Variants in DPYSL2 observed in about 807,000 individuals in gnomAD.
DPYSL2 encodes the protein dihydropyrimidinase like 2.
In DPYSL2, 13 loss-of-function variants were observed where a neutral mutation model predicts 69.9. That is an observed-to-expected ratio of 0.19 (90% CI 0.12 to 0.30). The LOEUF (loss-of-function observed/expected upper bound fraction) is 0.30, where lower values mean the gene tolerates loss of function less well. Among genes scored for constraint, DPYSL2 ranks in the 10% least tolerant of loss-of-function variants. The probability of loss-of-function intolerance (pLI) is 1.00; values close to 1 mark genes in which losing one functional copy is unlikely to be tolerated. For missense variants in DPYSL2, 587 were observed against 918.9 expected (o/e 0.64, Z 4.67); for synonymous variants, 326 against 359.1 (o/e 0.91, Z 1.04).
chr8:26,540,717 C>T (rs1426657238), intron 1 of DPYSL2, among the ~76,000 whole-genome samples: 1 of 152,056 alleles, frequency 6.6e-6, no homozygotes, highest in Non-Finnish European at 1.5e-5. Flanking sequence ...ACCAGCCTGG[C>T]TAACATGGTG....
rs370558137 is a variant in DPYSL2 at position 26,587,029 on chromosome 8, G to A, written c.628+3046G>A. Among the ~76,000 whole-genome samples the A allele has an allele frequency of 2.2e-4, 34 of 152,334 alleles. No individual in the cohort carries two copies. The East Asian group carries it at 6.6e-3, about 29-fold the overall frequency. On this transcript the variant is annotated intron_variant, in intron 3 of 13. Coordinates refer to ENST00000521913, the MANE Select transcript of DPYSL2 (RefSeq NM_001197293.3). This position sits in a 1 kb window ranked among gnomAD's most constrained non-coding sequence, Gnocchi z 4.2. ...ACCTCTGTAGAATTTCTACTAGCCT[G>A]CCTTTCCCCGGGGGAGGGAATGGTA...
At chr8:26,555,793 G>T (rs1800935928) in intron 1 of DPYSL2, among the ~76,000 whole-genome samples, 1 of 149,980 alleles carries the variant, frequency 6.7e-6, no homozygotes, top group African/African-American at 2.5e-5. Flanking sequence ...AGGATGAGTT[G>T]GAAAGATTGC....
chr8:26,577,755 C>A (rs445678), intron 1 of DPYSL2: 1 of 964,400 alleles, frequency 1.0e-6, no homozygotes, highest in Non-Finnish European at 1.2e-6. Flanking sequence ...CGCCGCCTGC[C>A]GCCCCCGGCC....
chr8:26,616,480 A>G (rs1331468077), intron 3 of DPYSL2, among the ~76,000 whole-genome samples: 1 of 152,138 alleles, frequency 6.6e-6, no homozygotes, highest in Non-Finnish European at 1.5e-5. Flanking sequence ...ATTCAAGTCG[A>G]TTCATTTATC....
Position 26,571,188 on chromosome 8 carries a change from G to A in DPYSL2, c.355-10781G>A, listed in dbSNP as rs1801229339. 6.6e-6 allele frequency among the ~76,000 whole-genome samples: 1 copy of A among 152,164 alleles called. No homozygotes were observed. The highest frequency in any genetic ancestry group is 1.5e-5 in the Non-Finnish European group (1 of 68,028). On this transcript the variant is annotated intron_variant, in intron 1 of 13. Transcript: ENST00000521913. The surrounding 1 kb of genome is among the most constrained non-coding windows in gnomAD (Gnocchi z 6.1). Reference sequence around the variant, plus strand: ...GTTTTCCTCCTTCTATAAATAGAGGGTGGAGTGGGCTGGATCTGTCGCTAA... The same window carrying A: ...GTTTTCCTCCTTCTATAAATAGAGGATGGAGTGGGCTGGATCTGTCGCTAA...
rs1802194389 is a variant in DPYSL2 at position 26,610,150 on chromosome 8, A to G, written c.629-13993A>G. On this transcript the variant is annotated intron_variant, in intron 3 of 13. Transcript: ENST00000521913. This position sits in a 1 kb window ranked among gnomAD's most constrained non-coding sequence, Gnocchi z 4.5. The stretch of plus-strand genomic sequence containing the variant: ...GTCGTGATGTTTCGTGGGATCTGCA[A>G]GAGCCTGTAGCGTCAGGTTTCTTTC... 6.6e-6 allele frequency among the ~76,000 whole-genome samples: 1 copy of G among 152,256 alleles called. No individual in the cohort carries two copies. Among genetic ancestry groups the G allele is most frequent in the South Asian group, 2.1e-4 (1 of 4,830 alleles).
chr8:26,655,792 T>TG lies in DPYSL2; in HGVS notation c.*86_*87insG. The TG allele has an allele frequency of 7.8e-7, 1 of 1,274,400 alleles. No homozygotes were observed. Among genetic ancestry groups the TG allele is most frequent in the Non-Finnish European group, 1.0e-6 (1 of 953,570 alleles). The allele number at this position is 1,274,400 out of a possible 1,614,324, so 78.9% of individuals were successfully genotyped here. Reference sequence around the variant, plus strand: ...ACTTCTTTCTTCCTTCCTTTTTTTTTTTTTGTTTTTTTTTTTAAGAGCCTG... The same window carrying TG: ...ACTTCTTTCTTCCTTCCTTTTTTTTTGTTTTGTTTTTTTTTTTAAGAGCCTG... On this transcript the variant is annotated 3_prime_UTR_variant, in exon 14 of 14. Coordinates refer to ENST00000521913, the MANE Select transcript of DPYSL2 (RefSeq NM_001197293.3).
At chr8:26,576,970 C>G (rs1168721115) in intron 1 of DPYSL2, 1 of 294,812 alleles carries the variant, frequency 3.4e-6, no homozygotes, top group Non-Finnish European at 6.7e-6. Flanking sequence ...GTAAAGCGGG[C>G]GCACAGAGCG....
At chr8:26,655,218 C>A (rs1348106121) in intron 13 of DPYSL2, among the ~76,000 whole-genome samples, 82 of 152,004 alleles carry the variant, frequency 5.4e-4, no homozygotes, top group Non-Finnish European at 2.9e-5. Context: ...AATGTGAGGC[C>A]GGGCAGGGTG....
At chr8:26,596,051 T>C (rs996701749) in intron 3 of DPYSL2, among the ~76,000 whole-genome samples, 4 of 151,914 alleles carry the variant, frequency 2.6e-5, no homozygotes, top group African/African-American at 4.8e-5. Flanking sequence ...GTAGGATGGG[T>C]CCATCCTTAA....
intron 1 of DPYSL2, among the ~76,000 whole-genome samples, chr8:26,581,105 G>A (rs11783896): frequency 0.13 from 19,800 of 152,186 alleles, 1,348 homozygotes; most frequent in Middle Eastern, 0.17. Flanking sequence ...CATCAATGGC[G>A]TATTTTTTGT....
chr8:26,634,937 G>A (rs1161339524), intron 8 of DPYSL2, 37 bp downstream of exon 8: 2 of 1,611,424 alleles, frequency 1.2e-6, no homozygotes, highest in African/African-American at 1.3e-5. Context: ...TGGCAGGTGG[G>A]GAGGTTTGGA....
chr8:26,652,706 G>A lies in DPYSL2; in HGVS notation c.1776+270G>A, dbSNP rs1185426890. On this transcript the variant is annotated intron_variant, in intron 12 of 13. Coordinates refer to ENST00000521913, the MANE Select transcript of DPYSL2 (RefSeq NM_001197293.3). This position sits in a 1 kb window ranked among gnomAD's most constrained non-coding sequence, Gnocchi z 6.3. ...CCCAGAGGAGGGAGCCACTGCTGTA[G>A]TTGGGGAGAGTGTCATGGGGAGAGG... is the stretch of plus-strand genomic sequence containing the variant. 6.6e-6 allele frequency among the ~76,000 whole-genome samples: 1 copy of A among 152,144 alleles called. No individual in the cohort carries two copies.
rs146182569 is a variant in DPYSL2, at chr8:26,610,025, C to T, written c.629-14118C>T. 3.8e-3 allele frequency among the ~76,000 whole-genome samples: 574 copies of T among 152,248 alleles called. 4 individuals are homozygous for T. The highest frequency in any genetic ancestry group is 5.1e-3 in the Non-Finnish European group (344 of 67,996). The stretch of plus-strand genomic sequence containing the variant: ...CACAGGCACACACATGAGAAAGGGA[C>T]GGGGAAAGCTAGGGTGTCCACCCCA... On this transcript the variant is annotated intron_variant, in intron 3 of 13. Transcript: ENST00000521913. This position sits in a 1 kb window ranked among gnomAD's most constrained non-coding sequence, Gnocchi z 4.5.
chr8:26,612,907 G>A (rs1005674101), intron 3 of DPYSL2, among the ~76,000 whole-genome samples: 2 of 152,204 alleles, frequency 1.3e-5, no homozygotes, highest in African/African-American at 4.8e-5. Context: ...TGGCCTCCAG[G>A]CTCTGCATCT....
chr8:26,556,449 A>C (rs66971911), intron 1 of DPYSL2, among the ~76,000 whole-genome samples: 38,981 of 130,214 alleles, frequency 0.3, 6,463 homozygotes, highest in African/African-American at 0.42. Context: ...AAGAATCAAC[A>C]ACATTAAAAT....
At chr8:26,559,538 G>A (rs1203097593) in intron 1 of DPYSL2, among the ~76,000 whole-genome samples, 1 of 152,004 alleles carries the variant, frequency 6.6e-6, no homozygotes, top group Non-Finnish European at 1.5e-5. Context: ...TTGTCCTTTA[G>A]TAAAGTTAAA....
At chr8:26,518,318 C>T (rs192159513) in intron 1 of DPYSL2, among the ~76,000 whole-genome samples, 1 of 152,068 alleles carries the variant, frequency 6.6e-6, no homozygotes, top group African/African-American at 2.4e-5. Context: ...TAAGACCCAC[C>T]CGGGTTCAAA....
intron 1 of DPYSL2, among the ~76,000 whole-genome samples, chr8:26,528,743 C>T (rs1310409529): frequency 6.6e-6 from 1 of 152,010 alleles, no homozygotes; most frequent in Non-Finnish European, 1.5e-5. Context: ...CAGTGCAGCG[C>T]CACTCTGGGA....
Sources: gnomAD v4.1 joint callset for allele counts (sites outside exome capture counted in the v4.1 genomes callset) on GRCh38, gnomAD v4.1.1 for gene constraint, Gnocchi (gnomAD v3.1) non-coding constraint, MANE v1.5 for transcripts, NCBI Gene and HGNC (gene_info 2026-07-23, HGNC 2026-07-21) for gene names.